The following PLA2G4C variants were observed in gnomAD, a reference collection of about 807,000 sequenced individuals.
The protein encoded by PLA2G4C is cytosolic phospholipase A2 gamma.
PLA2G4C carries 64 observed loss-of-function variants against 73.8 expected under a neutral mutation model. The ratio of observed to expected loss-of-function variants is 0.87; its 90% CI spans 0.71 to 1.07. The LOEUF (loss-of-function observed/expected upper bound fraction) is 1.07. Ranked by LOEUF, PLA2G4C falls within the 50% of genes least tolerant of loss-of-function variation. The probability of loss-of-function intolerance (pLI) is 0.00; values close to 1 mark genes in which losing one functional copy is unlikely to be tolerated. For synonymous variants in PLA2G4C, 254 were observed against 252.1 expected, an observed-to-expected ratio of 1.01 and a Z score of -0.07; for missense variants, 622 against 665.4, an observed-to-expected ratio of 0.93 and a Z score of 0.72.
chr19:48,094,567 G>A (rs1177527414), intron 7 of PLA2G4C, among the ~76,000 whole-genome samples: 1 of 152,154 alleles, frequency 6.6e-6, no homozygotes, highest in East Asian at 1.9e-4. Flanking sequence ...CTTTCCCTAT[G>A]AGAAAAACGA....
At chr19:48,061,682 T>A in intron 14 of PLA2G4C, 3 of 317,414 alleles carry the variant, frequency 9.5e-6, no homozygotes, top group South Asian at 3.2e-5. Flanking sequence ...GGGAAGGAGG[T>A]GCACAGGTGA....
At chr19:48,108,112 TTG>T (rs1370522080) in intron 1 of PLA2G4C, among the ~76,000 whole-genome samples, 1 of 152,162 alleles carries the variant, frequency 6.6e-6, no homozygotes, top group Non-Finnish European at 1.5e-5. Flanking sequence ...TCTCTTTGTC[TTG>T]TGTTTTTATT....
chr19:48,105,604 G>C (rs889543372), intron 2 of PLA2G4C, 160 bp from the exon 3 acceptor site: 1 of 603,618 alleles, frequency 1.7e-6, no homozygotes, highest in African/African-American at 1.9e-5. Flanking sequence ...ACTAGATAGA[G>C]GTGATGGTTG....
intron 4 of PLA2G4C, among the ~76,000 whole-genome samples, chr19:48,101,106 A>G (rs926434755): frequency 6.7e-5 from 4 of 59,976 alleles, no homozygotes; most frequent in Admixed American, 6.1e-4. Flanking sequence ...CATAGAGTCT[A>G]TATATATATA....
rs1363392713 is a variant in PLA2G4C, at chr19:48,079,280, C to G, written c.845-1456G>C. Among the ~76,000 whole-genome samples the G allele has an allele frequency of 2.0e-5, 3 of 152,072 alleles. No individual in the cohort carries two copies. The East Asian group carries it at 5.8e-4, about 29-fold the overall frequency. On this transcript the variant is annotated intron_variant, in intron 10 of 16. Transcript: ENST00000599921. ...TTACCCAATCAAATTATACTACAAG[C>G]CTATAGTTACCAAAACAGCACGGTA...
At chr19:48,094,003 CTG>C (rs2031445278) in intron 7 of PLA2G4C, among the ~76,000 whole-genome samples, 1 of 152,194 alleles carries the variant, frequency 6.6e-6, no homozygotes, top group Non-Finnish European at 1.5e-5. Context: ...CCATGTGAAA[CTG>C]TGAGTCAATT....
chr19:48,075,094 C>T (rs1287971116), intron 11 of PLA2G4C, among the ~76,000 whole-genome samples: 1 of 152,076 alleles, frequency 6.6e-6, no homozygotes, highest in Non-Finnish European at 1.5e-5. Context: ...TCATCTCTGC[C>T]TCCACCTCTA....
intron 4 of PLA2G4C, among the ~76,000 whole-genome samples, chr19:48,100,410 A>G (rs774639747): frequency 3.3e-5 from 5 of 151,066 alleles, no homozygotes; most frequent in Non-Finnish European, 5.9e-5. Context: ...GGGTACCTCT[A>G]GTGCCGGATA....
chr19:48,074,750 C>T lies in PLA2G4C; in HGVS notation c.1006+17G>A, dbSNP rs150200640. 552 of 1,555,272 alleles carry T rather than the reference C, an allele frequency of 3.5e-4. 3 individuals are homozygous for T. The African/African-American group carries it at 6.7e-3, about 19-fold the overall frequency. On this transcript the variant is annotated intron_variant, in intron 12 of 16. Transcript: ENST00000599921. ...GGCACTTACTGTTGATGACACTTAT[C>T]ACACTACACATGGTACCTTTCCTTT...
chr19:48,094,332 T>G (rs1241802336), intron 7 of PLA2G4C, among the ~76,000 whole-genome samples: 1 of 152,226 alleles, frequency 6.6e-6, no homozygotes, highest in Non-Finnish European at 1.5e-5. Flanking sequence ...CATCATCTCC[T>G]TCCCTGGAGT....
intron 10 of PLA2G4C, among the ~76,000 whole-genome samples, chr19:48,079,547 A>G (rs2030401837): frequency 6.6e-6 from 1 of 152,210 alleles, no homozygotes; most frequent in Non-Finnish European, 1.5e-5. Context: ...AATTTGCATC[A>G]AAGACTTAAA....
At chr19:48,075,316 T>C (rs1016287103) in intron 11 of PLA2G4C, among the ~76,000 whole-genome samples, 6 of 151,786 alleles carry the variant, frequency 4.0e-5, no homozygotes, top group Admixed American at 3.3e-4. Context: ...CTGGAGTATC[T>C]GGGACTACAG....
chr19:48,095,660 G>C (rs2031531373), intron 6 of PLA2G4C, 56 bp from the exon 7 acceptor site: 1 of 1,545,972 alleles, frequency 6.5e-7, no homozygotes, highest in African/African-American at 1.4e-5. Context: ...GAATGTAGCA[G>C]GTATGCAGGA....
chr19:48,061,983 G>A lies in PLA2G4C; in HGVS notation c.1257+15C>T. ...CCTCCCACCCAGGACCGGCCCCAAA[G>A]CCCTTCTCGATTACCTCGAAAGGAT... On this transcript the variant is annotated intron_variant, in intron 14 of 16. Transcript: ENST00000599921. 1.2e-6 allele frequency: 2 copies of A among 1,613,116 alleles called. No homozygotes were observed. The highest frequency in any genetic ancestry group is 1.7e-6 in the Non-Finnish European group (2 of 1,179,554).
intron 7 of PLA2G4C, among the ~76,000 whole-genome samples, chr19:48,091,217 G>T (rs60082328): frequency 9.0e-4 from 137 of 152,050 alleles, no homozygotes; most frequent in Admixed American, 3.7e-3. Flanking sequence ...ATGGGATCTC[G>T]CTCTGTTGCC....
chr19:48,088,987 T>G (rs550364334), intron 8 of PLA2G4C, among the ~76,000 whole-genome samples: 1 of 152,322 alleles, frequency 6.6e-6, no homozygotes, highest in African/African-American at 2.4e-5. Context: ...TTGTTTTTGT[T>G]TTTTAGAGAG....
intron 10 of PLA2G4C, among the ~76,000 whole-genome samples, chr19:48,081,932 T>G (rs894299819): frequency 6.6e-6 from 1 of 151,566 alleles, no homozygotes; most frequent in Non-Finnish European, 1.5e-5. Flanking sequence ...AATATAAAAA[T>G]TAGCCGGGCA....
At chr19:48,090,502 T>A (rs1400504591) in intron 7 of PLA2G4C, 85 bp from the exon 8 acceptor site, 4 of 953,922 alleles carry the variant, frequency 4.2e-6, no homozygotes, top group Non-Finnish European at 6.9e-6. Context: ...CAGACTGGCA[T>A]AAAGCACTGC....
At chr19:48,083,035 C>T (rs4802431) in intron 10 of PLA2G4C, among the ~76,000 whole-genome samples, 9,788 of 150,810 alleles carry the variant, frequency 0.065, 641 homozygotes, top group African/African-American at 0.17. Flanking sequence ...AGGATGGTCT[C>T]GATCTCCTGA....
Sources: gnomAD v4.1 joint callset for allele counts (sites outside exome capture counted in the v4.1 genomes callset) on GRCh38, gnomAD v4.1.1 for gene constraint, MANE v1.5 for transcripts, NCBI Gene and HGNC (gene_info 2026-07-23, HGNC 2026-07-21) for gene names.